The following DESI2 variants were observed in gnomAD, a reference collection of about 807,000 sequenced individuals.
The protein encoded by DESI2 is deubiquitinase DESI2.
A neutral mutation model predicts 24.1 loss-of-function variants in DESI2; 10 were observed. That is an observed-to-expected ratio of 0.41 (90% CI 0.26 to 0.70). The LOEUF (loss-of-function observed/expected upper bound fraction) is 0.70, where lower values mean the gene tolerates loss of function less well. Among genes scored for constraint, DESI2 ranks in the 30% least tolerant of loss-of-function variants. DESI2 has a pLI of 0.29. For synonymous variants in DESI2, 71 were observed against 87.7 expected (o/e 0.81, Z 1.06); for missense variants, 122 against 234.9 (o/e 0.52, Z 3.14).
chr1:244,704,234 C>T (rs1677602035), intron 4 of DESI2, among the ~76,000 whole-genome samples: 1 of 152,124 alleles, frequency 6.6e-6, no homozygotes, highest in South Asian at 2.1e-4. Flanking sequence ...AACCCCTTTC[C>T]AAAGTTATTA....
At chr1:244,658,938 TC>T (rs1573175357) in intron 1 of DESI2, among the ~76,000 whole-genome samples, 1 of 152,226 alleles carries the variant, frequency 6.6e-6, no homozygotes, top group African/African-American at 2.4e-5. Flanking sequence ...TCTTAATTAC[TC>T]TTTGGAAGAT....
intron 4 of DESI2, among the ~76,000 whole-genome samples, chr1:244,704,841 G>A (rs1362132245): frequency 6.6e-6 from 1 of 152,108 alleles, no homozygotes; most frequent in East Asian, 1.9e-4. Flanking sequence ...TGTATTTTTG[G>A]TAGAGACAGG....
chr1:244,698,852 C>T (rs1365538178), intron 4 of DESI2, among the ~76,000 whole-genome samples: 1 of 152,222 alleles, frequency 6.6e-6, no homozygotes, highest in Non-Finnish European at 1.5e-5. Flanking sequence ...AGTCGAACTG[C>T]TGATCTGTTC....
chr1:244,703,928 G>C (rs936622755), intron 4 of DESI2, among the ~76,000 whole-genome samples: 2 of 152,018 alleles, frequency 1.3e-5, no homozygotes, highest in African/African-American at 2.4e-5. Context: ...AAAGTGCTGG[G>C]AATTACAGGT....
chr1:244,677,290 G>T (rs1207281760), intron 1 of DESI2, among the ~76,000 whole-genome samples: 2 of 152,112 alleles, frequency 1.3e-5, no homozygotes, highest in Non-Finnish European at 2.9e-5. Flanking sequence ...TTGGTAGCTT[G>T]TGAATTTGTC....
chr1:244,678,834 C>T (rs78361468), intron 1 of DESI2, among the ~76,000 whole-genome samples: 6,080 of 152,178 alleles, frequency 0.04, 187 homozygotes, highest in Non-Finnish European at 0.059. Flanking sequence ...GGAACAGAAA[C>T]CTTTTGGTGC....
chr1:244,663,827 G>C (rs936599553), intron 1 of DESI2, among the ~76,000 whole-genome samples: 9 of 151,766 alleles, frequency 5.9e-5, no homozygotes, highest in African/African-American at 1.5e-4. Context: ...GACCATCCTG[G>C]CTAACACGGT....
intron 1 of DESI2, among the ~76,000 whole-genome samples, chr1:244,670,864 A>G (rs1676220644): frequency 1.3e-5 from 2 of 152,236 alleles, no homozygotes; most frequent in African/African-American, 4.8e-5. Flanking sequence ...AAATGCTTCA[A>G]TTTGTGTTAG....
intron 1 of DESI2, among the ~76,000 whole-genome samples, chr1:244,662,301 G>C (rs1343712259): frequency 6.6e-6 from 1 of 152,122 alleles, no homozygotes; most frequent in Non-Finnish European, 1.5e-5. Flanking sequence ...TTAGACACAG[G>C]TTACTTCCAT....
chr1:244,697,677 T>C lies in DESI2; in HGVS notation c.351+5657T>C, dbSNP rs113142308. On this transcript the variant is annotated intron_variant, in intron 4 of 4. Transcript: ENST00000302550. ...AGGAGAACTGACTCACTAGATCACC[T>C]GGCTACTTTTGGCCATGCTGGTTAC... Among the ~76,000 whole-genome samples the C allele has an allele frequency of 1.2e-3, 187 of 152,208 alleles. 2 individuals carry two copies. Among genetic ancestry groups the C allele is most frequent in the African/African-American group, 4.3e-3 (178 of 41,532 alleles).
chr1:244,690,907 C>T (rs1437593014), intron 3 of DESI2, among the ~76,000 whole-genome samples: 4 of 152,194 alleles, frequency 2.6e-5, no homozygotes, highest in Admixed American at 2.0e-4. Context: ...GAAAGATTTT[C>T]GCACGTAAGT....
In DESI2 at chr1:244,700,279, G is replaced by A. The variant is rs550754839; in HGVS notation, c.352-5277G>A. 2.1e-4 allele frequency among the ~76,000 whole-genome samples: 32 copies of A among 152,224 alleles called. 1 individual carries two copies. In the South Asian group the frequency reaches 6.6e-3, roughly 32 times the overall value. On this transcript the variant is annotated intron_variant, in intron 4 of 4. Coordinates refer to ENST00000302550, the MANE Select transcript of DESI2 (RefSeq NM_016076.5). Reference sequence around the variant, plus strand: ...GACACAGTTCCCTAGTATTCTCTAAGTGGTTTTTTCTCCCCACAAAATAGT... The same window carrying A: ...GACACAGTTCCCTAGTATTCTCTAAATGGTTTTTTCTCCCCACAAAATAGT...
chr1:244,670,534 G>A (rs1189513106), intron 1 of DESI2, among the ~76,000 whole-genome samples: 7 of 152,198 alleles, frequency 4.6e-5, no homozygotes, highest in Non-Finnish European at 8.8e-5. Context: ...TATGGGACAA[G>A]CACTCTTCTA....
At chr1:244,654,295 T>C (rs1263888650) in intron 1 of DESI2, among the ~76,000 whole-genome samples, 2 of 152,256 alleles carry the variant, frequency 1.3e-5, no homozygotes, top group African/African-American at 2.4e-5. Context: ...GTGCTTAAAA[T>C]TCCTTGTAAG....
At chr1:244,687,173 A>C (rs1199079584) in intron 2 of DESI2, among the ~76,000 whole-genome samples, 4 of 152,178 alleles carry the variant, frequency 2.6e-5, no homozygotes. Context: ...AAGTCTAAAA[A>C]CATTGCTGAG....
intron 1 of DESI2, among the ~76,000 whole-genome samples, chr1:244,662,780 A>G (rs574847439): frequency 6.6e-6 from 1 of 152,336 alleles, no homozygotes; most frequent in East Asian, 1.9e-4. Context: ...AAGGTGAAGT[A>G]TACCATGTAG....
chr1:244,668,438 A>G (rs1676125138), intron 1 of DESI2, among the ~76,000 whole-genome samples: 1 of 152,212 alleles, frequency 6.6e-6, no homozygotes, highest in Admixed American at 6.5e-5. Context: ...AAAAACTCAA[A>G]AATTGAAATG....
At chr1:244,696,681 C>T (rs1186051544) in intron 4 of DESI2, among the ~76,000 whole-genome samples, 1 of 152,170 alleles carries the variant, frequency 6.6e-6, no homozygotes, top group Non-Finnish European at 1.5e-5. Context: ...AGTTAACTAC[C>T]ATCATAGGCC....
intron 1 of DESI2, among the ~76,000 whole-genome samples, chr1:244,663,277 C>T (rs1000588170): frequency 4.6e-5 from 7 of 151,940 alleles, no homozygotes; most frequent in African/African-American, 1.2e-4. Flanking sequence ...CCTGGGTTCA[C>T]GCCATTCTTC....
Sources: gnomAD v4.1 joint callset for allele counts (sites outside exome capture counted in the v4.1 genomes callset) on GRCh38, gnomAD v4.1.1 for gene constraint, MANE v1.5 for transcripts, NCBI Gene and HGNC (gene_info 2026-07-23, HGNC 2026-07-21) for gene names.